Variants in CBL observed in about 807,000 individuals in gnomAD.
The protein encoded by CBL is E3 ubiquitin-protein ligase CBL.
A neutral mutation model predicts 96.9 loss-of-function variants in CBL; 45 were observed. The observed-to-expected ratio is 0.46, with a 90% CI of 0.37 to 0.60. The LOEUF (loss-of-function observed/expected upper bound fraction) is 0.60, where lower values mean the gene tolerates loss of function less well. Ranked by LOEUF, CBL falls within the 20% of genes least tolerant of loss-of-function variation. The pLI, the probability that CBL is intolerant of heterozygous loss-of-function variation, is 0.00. For missense variants in CBL, 1,024 were observed against 1,143.5 expected, an observed-to-expected ratio of 0.90 and a Z score of 1.51; for synonymous variants, 420 against 426.8, an observed-to-expected ratio of 0.98 and a Z score of 0.20.
Position 119,271,892 on chromosome 11 carries a change from G to A in CBL, c.590+11G>A, listed in dbSNP as rs772028174. 1.1e-5 allele frequency: 17 copies of A among 1,613,188 alleles called. No individual in the cohort carries two copies. Among genetic ancestry groups the A allele is most frequent in the Non-Finnish European group, 1.4e-5 (16 of 1,179,356 alleles). ...AGCTTTTGGGGAAAAGTAAGTCTCA[G>A]AATAATGAATTTGAACTATGAAAAA... is the stretch of plus-strand genomic sequence containing the variant. On this transcript the variant is annotated intron_variant, in intron 3 of 15. Coordinates refer to ENST00000264033, the MANE Select transcript of CBL (RefSeq NM_005188.4).
At chr11:119,216,339 A>AATTTATTT (rs113078166) in intron 1 of CBL, among the ~76,000 whole-genome samples, 3,281 of 144,092 alleles carry the variant, frequency 0.023, 63 homozygotes, top group South Asian at 0.052. Flanking sequence ...GACTTATTGT[A>AATTTATTT]ATTTATTTAT....
intron 1 of CBL, among the ~76,000 whole-genome samples, chr11:119,227,555 T>G (rs981847447): frequency 3.5e-5 from 5 of 144,890 alleles, no homozygotes; most frequent in African/African-American, 1.1e-4. Context: ...ATAATTTTCT[T>G]TTTTTTTTTT....
rs764805609 is a variant in CBL at position 119,278,276 on chromosome 11, A to G, written c.1206A>G (p.Thr402=). The G allele has an allele frequency of 1.3e-5, 21 of 1,614,120 alleles. No individual in the cohort carries two copies. The South Asian group carries it at 1.8e-4, about 14-fold the overall frequency. Residue 402 remains threonine, a synonymous_variant, in exon 8 of 16, where the codon ACA becomes ACG. Coordinates refer to ENST00000264033, the MANE Select transcript of CBL (RefSeq NM_005188.4). ...AGCCCTGTGGACACCTCATGTGCAC[A>G]TCCTGTCTTACATCCTGGCAGGTAC... ...KIEPCGHLMC[T]SCLTSWQESE...
chr11:119,254,620 G>A (rs1244229392), intron 2 of CBL, among the ~76,000 whole-genome samples: 1 of 143,602 alleles, frequency 7.0e-6, no homozygotes, highest in East Asian at 2.0e-4. Context: ...TTTTTTTTTT[G>A]AGACAGAGTC....
chr11:119,299,089 C>T (rs1339372789), intron 15 of CBL, among the ~76,000 whole-genome samples: 3 of 152,206 alleles, frequency 2.0e-5, no homozygotes, highest in Non-Finnish European at 4.4e-5. Context: ...CGAGCAATGT[C>T]CCCCACTCAG....
intron 1 of CBL, among the ~76,000 whole-genome samples, chr11:119,224,515 T>A (rs573879193): frequency 6.6e-6 from 1 of 152,346 alleles, no homozygotes; most frequent in Non-Finnish European, 1.5e-5. Context: ...CTTATTAACA[T>A]GTTATTTTGT....
intron 2 of CBL, among the ~76,000 whole-genome samples, chr11:119,259,904 A>C (rs900007182): frequency 2.6e-5 from 4 of 152,090 alleles, no homozygotes; most frequent in Non-Finnish European, 4.4e-5. Flanking sequence ...TTCCGATTCT[A>C]TCTCACTTAC....
At chr11:119,277,273 A>ACACACACACAC (rs1555229989) in intron 6 of CBL, among the ~76,000 whole-genome samples, 3 of 151,990 alleles carry the variant, frequency 2.0e-5, no homozygotes, top group South Asian at 2.1e-4. Context: ...ACACACACAT[A>ACACACACACAC]AAGAATTTCT....
At chr11:119,226,629 C>T (rs756190876) in intron 1 of CBL, among the ~76,000 whole-genome samples, 5 of 151,804 alleles carry the variant, frequency 3.3e-5, no homozygotes, top group South Asian at 2.1e-4. Context: ...GGCTGATTTT[C>T]GCATTTTTCA....
At chr11:119,217,429 A>G (rs1055749745) in intron 1 of CBL, among the ~76,000 whole-genome samples, 1 of 152,116 alleles carries the variant, frequency 6.6e-6, no homozygotes, top group Non-Finnish European at 1.5e-5. Flanking sequence ...TTTGTTTTTT[A>G]TGTGGATCTT....
chr11:119,225,065 T>C (rs1325222671), intron 1 of CBL, among the ~76,000 whole-genome samples: 3 of 151,664 alleles, frequency 2.0e-5, no homozygotes, highest in Non-Finnish European at 4.4e-5. Context: ...TGTGTGTGTG[T>C]GTGTGTGTGC....
chr11:119,250,690 C>G (rs1322828077), intron 2 of CBL, among the ~76,000 whole-genome samples: 1 of 152,188 alleles, frequency 6.6e-6, no homozygotes, highest in African/African-American at 2.4e-5. Context: ...CAGCTCATGT[C>G]TGTAATCTCA....
intron 14 of CBL, 63 bp downstream of exon 14, chr11:119,297,544 T>G: frequency 8.0e-7 from 1 of 1,255,308 alleles, no homozygotes; most frequent in Non-Finnish European, 1.2e-6. Context: ...CATGTAATAT[T>G]TGGCAATTGA....
chr11:119,283,731 G>A (rs1397074557), intron 9 of CBL, among the ~76,000 whole-genome samples: 2 of 141,032 alleles, frequency 1.4e-5, no homozygotes, highest in Non-Finnish European at 3.0e-5. Context: ...TCCGCCTCCC[G>A]GGTTCATGCC....
At chr11:119,241,892 A>C (rs1949589047) in intron 2 of CBL, among the ~76,000 whole-genome samples, 1 of 152,230 alleles carries the variant, frequency 6.6e-6, no homozygotes, top group African/African-American at 2.4e-5. Flanking sequence ...TAAAGCTAAC[A>C]TACCAGGACT....
intron 1 of CBL, among the ~76,000 whole-genome samples, chr11:119,215,950 G>A (rs1165113665): frequency 6.6e-6 from 1 of 152,248 alleles, no homozygotes. Context: ...GGAAGCCAGC[G>A]TCAGCTTTGT....
intron 5 of CBL, 56 bp from the exon 6 acceptor site, chr11:119,275,941 C>T (rs1949886179): frequency 1.3e-6 from 2 of 1,539,268 alleles, no homozygotes; most frequent in Admixed American, 1.7e-5. Flanking sequence ...CTTGCCTTGC[C>T]TTCCACCGTA....
intron 2 of CBL, among the ~76,000 whole-genome samples, chr11:119,251,127 G>A (rs1949666993): frequency 6.6e-6 from 1 of 152,052 alleles, no homozygotes; most frequent in African/African-American, 2.4e-5. Context: ...CTTGCTGTGT[G>A]CCTGATATAT....
chr11:119,231,886 A>G (rs1181548774), intron 1 of CBL, among the ~76,000 whole-genome samples: 1 of 151,486 alleles, frequency 6.6e-6, no homozygotes, highest in Admixed American at 6.6e-5. Context: ...GGCAGGTGGC[A>G]TCGTTTGAGC....
Sources: gnomAD v4.1 joint callset for allele counts (sites outside exome capture counted in the v4.1 genomes callset) on GRCh38, gnomAD v4.1.1 for gene constraint, MANE v1.5 for transcripts, NCBI Gene and HGNC (gene_info 2026-07-23, HGNC 2026-07-21) for gene names.